Variants in CDH23 observed in about 807,000 individuals in gnomAD.
The protein encoded by CDH23 is cadherin related 23.
A neutral mutation model predicts 317.1 loss-of-function variants in CDH23; 189 were observed. The observed-to-expected ratio is 0.60, with a 90% confidence interval of 0.53 to 0.67. The LOEUF (loss-of-function observed/expected upper bound fraction) is 0.67, where lower values mean the gene tolerates loss of function less well. Ranked by LOEUF, CDH23 falls within the 30% of genes least tolerant of loss-of-function variation. The pLI is 0.00. For synonymous variants in CDH23, 1,839 were observed against 1,876.8 expected, an observed-to-expected ratio of 0.98 and a Z score of 0.52; for missense variants, 4,401 against 4,592.4, an observed-to-expected ratio of 0.96 and a Z score of 1.20.
At chr10:71,599,959 A>G (rs1196963363) in intron 9 of CDH23, among the ~76,000 whole-genome samples, 1 of 150,888 alleles carries the variant, frequency 6.6e-6, no homozygotes, top group Non-Finnish European at 1.5e-5. Flanking sequence ...AAACTGTGGG[A>G]ATAGTCCCAT....
chr10:71,700,743 G>A (rs568284225), intron 22 of CDH23, among the ~76,000 whole-genome samples: 182 of 152,282 alleles, frequency 1.2e-3, no homozygotes, highest in African/African-American at 4.1e-3. Context: ...AGCCTGCCTA[G>A]GGTGCCACAG....
At chr10:71,802,804 C>A in intron 53 of CDH23, 94 bp from the exon 54 acceptor site, 1 of 1,348,120 alleles carries the variant, frequency 7.4e-7, no homozygotes, top group Non-Finnish European at 1.0e-6. Context: ...TGGTGCCTGT[C>A]CTTCCTCTAT....
chr10:71,753,153 G>T, intron 38 of CDH23: 8 of 766,678 alleles, frequency 1.0e-5, no homozygotes, highest in Non-Finnish European at 1.5e-5. Flanking sequence ...TCACATGGGT[G>T]CTGTCCAGCA....
At chr10:71,418,627 C>A (rs1222416088) in intron 1 of CDH23, among the ~76,000 whole-genome samples, 1 of 152,216 alleles carries the variant, frequency 6.6e-6, no homozygotes, top group Non-Finnish European at 1.5e-5. Context: ...GAAGTCTGGG[C>A]TTACTTCTGG....
In CDH23 at chr10:71,791,339, A is replaced by G. The variant is rs1554874375; in HGVS notation, c.6253+4A>G. 1.2e-6 allele frequency: 2 copies of G among 1,612,502 alleles called. No individual in the cohort carries two copies. On this transcript the variant is annotated splice_donor_region_variant and intron_variant, in intron 47 of 69. Transcript: ENST00000224721. The stretch of plus-strand genomic sequence containing the variant: ...CTGCTAGAGAACTGCCCGCCTGGTA[A>G]GCAGGGGACAGGCCCCAGCACCCCA...
chr10:71,781,280 A>G (rs1840946980), intron 41 of CDH23, among the ~76,000 whole-genome samples: 1 of 152,170 alleles, frequency 6.6e-6, no homozygotes. Context: ...TGCTGCCCAG[A>G]GCTTATGAGG....
intron 1 of CDH23, among the ~76,000 whole-genome samples, chr10:71,405,628 G>A (rs1029200301): frequency 2.0e-5 from 3 of 152,068 alleles, no homozygotes; most frequent in Admixed American, 2.0e-4. Context: ...AGTAGAGATG[G>A]GATTTCACCA....
intron 3 of CDH23, among the ~76,000 whole-genome samples, chr10:71,487,628 A>T (rs1238678422): frequency 6.6e-6 from 1 of 152,164 alleles, no homozygotes; most frequent in Non-Finnish European, 1.5e-5. Context: ...TCGTTAAATC[A>T]TTTGGTGGGG....
intron 38 of CDH23, chr10:71,742,170 T>C (rs935374001): frequency 1.8e-6 from 1 of 546,810 alleles, no homozygotes; most frequent in Non-Finnish European, 3.3e-6. Flanking sequence ...TGTTTAGTCC[T>C]CTTTTCTCTC....
In CDH23 at chr10:71,653,359, G is replaced by A. The variant is rs115662536; in HGVS notation, c.1449+6742G>A. Among the ~76,000 whole-genome samples, 1,152 of 152,326 alleles carry A rather than the reference G, an allele frequency of 7.6e-3. 13 individuals carry two copies. Among genetic ancestry groups the A allele is most frequent in the African/African-American group, 0.026 (1,097 of 41,570 alleles). The stretch of plus-strand genomic sequence containing the variant: ...AGCAGGCCTGTTCCACCAGCTGTAA[G>A]GCCACAGGGCCTCTCCCTCTGCTCT... On this transcript the variant is annotated intron_variant, in intron 14 of 69. Coordinates refer to ENST00000224721, the MANE Select transcript of CDH23 (RefSeq NM_022124.6).
At chr10:71,579,207 AC>A (rs1858455873) in intron 9 of CDH23, among the ~76,000 whole-genome samples, 1 of 151,790 alleles carries the variant, frequency 6.6e-6, no homozygotes, top group Non-Finnish European at 1.5e-5. Flanking sequence ...GGAGGGAGAC[AC>A]CTCATGTCCT....
At chr10:71,543,299 G>A (rs115259625) in intron 6 of CDH23, among the ~76,000 whole-genome samples, 2,090 of 152,300 alleles carry the variant, frequency 0.014, 52 homozygotes, top group African/African-American at 0.048. Context: ...TGTTGTCCCC[G>A]AGGACCTCCA....
intron 9 of CDH23, among the ~76,000 whole-genome samples, chr10:71,585,145 C>T (rs1858961314): frequency 6.6e-6 from 1 of 151,868 alleles, no homozygotes; most frequent in South Asian, 2.1e-4. Context: ...ATTGTGGTGA[C>T]GTACAGGAAC....
At chr10:71,726,138 C>T (rs573603739) in intron 30 of CDH23, among the ~76,000 whole-genome samples, 15 of 152,250 alleles carry the variant, frequency 9.9e-5, no homozygotes, top group African/African-American at 3.4e-4. Flanking sequence ...TGTGTACTAC[C>T]GCCAGCAGGG....
intron 28 of CDH23, chr10:71,716,556 T>C (rs980574576): frequency 3.5e-5 from 16 of 456,724 alleles, no homozygotes; most frequent in Admixed American, 3.9e-5. Flanking sequence ...GGGCCCAAGC[T>C]CAGGCCCTCT....
At chr10:71,746,846 C>T (rs1440825482) in intron 38 of CDH23, among the ~76,000 whole-genome samples, 1 of 152,222 alleles carries the variant, frequency 6.6e-6, no homozygotes, top group Non-Finnish European at 1.5e-5. Flanking sequence ...AAATCTCCCA[C>T]CGCCCCCTTC....
chr10:71,547,001 A>G (rs766505207), intron 6 of CDH23, among the ~76,000 whole-genome samples: 31 of 152,334 alleles, frequency 2.0e-4, no homozygotes, highest in Non-Finnish European at 2.5e-4. Context: ...CCAGGGTGTC[A>G]TTCATTCAAC....
At chr10:71,701,611 T>C (rs1865588727) in intron 22 of CDH23, among the ~76,000 whole-genome samples, 1 of 152,046 alleles carries the variant, frequency 6.6e-6, no homozygotes, top group Non-Finnish European at 1.5e-5. Flanking sequence ...CCCCCAGCCC[T>C]GCGACTGCCC....
At position 71,790,406 on chromosome 10, in the gene CDH23, C is replaced by T. The variant is rs1381062193; in HGVS notation, c.6042C>T (p.Ser2014=). ...AGAGTGGCCTCTTTGACATCAACAG[C>T]AGCACCGGTGAGGCCTCTGTGCCAC... The part of the protein sequence containing the change: ...GAQSGLFDIN[S]STGVVTVRSG... The change falls in exon 46 of 70, where the codon AGC becomes AGT. Residue 2014 remains serine, a synonymous_variant. Coordinates refer to ENST00000224721, the MANE Select transcript of CDH23 (RefSeq NM_022124.6). The T allele has an allele frequency of 1.9e-6, 3 of 1,612,744 alleles. No individual in the cohort carries two copies. The highest frequency in any genetic ancestry group is 1.1e-5 in the South Asian group (1 of 90,948).
Sources: gnomAD v4.1 joint callset for allele counts (sites outside exome capture counted in the v4.1 genomes callset) on GRCh38, gnomAD v4.1.1 for gene constraint, MANE v1.5 for transcripts, NCBI Gene and HGNC (gene_info 2026-07-23, HGNC 2026-07-21) for gene names.